Variants in SAXO1 observed in about 807,000 individuals in gnomAD.
SAXO1 encodes the protein 4930500O09Rik.
In SAXO1, 21 loss-of-function variants were observed where a neutral mutation model predicts 17.5. The observed-to-expected ratio is 1.20, with a 90% confidence interval of 0.85 to 1.72. The LOEUF is 1.72. Ranked by LOEUF, SAXO1 falls within the 40% of genes most tolerant of loss-of-function variation. The pLI is 0.00. For missense variants in SAXO1, 843 were observed against 596.0 expected (o/e 1.41, Z -4.32); for synonymous variants, 274 against 216.5 (o/e 1.27, Z -2.33).
At chr9:18,929,382 C>T (rs1293910492) in intron 3 of SAXO1, among the ~76,000 whole-genome samples, 3 of 152,230 alleles carry the variant, frequency 2.0e-5, no homozygotes, top group Admixed American at 6.5e-5. Flanking sequence ...TCTGACAACA[C>T]TTCCTTTCTT....
chr9:19,026,265 T>A (rs1835467620), intron 1 of SAXO1, among the ~76,000 whole-genome samples: 1 of 152,212 alleles, frequency 6.6e-6, no homozygotes. Flanking sequence ...TGGTCCAGTG[T>A]GACTCGAAAA....
At chr9:19,018,884 T>C (rs1345253231) in intron 1 of SAXO1, among the ~76,000 whole-genome samples, 2 of 152,026 alleles carry the variant, frequency 1.3e-5, no homozygotes, top group African/African-American at 4.8e-5. Flanking sequence ...CTGAGGCTGG[T>C]GGATCACCTG....
At chr9:19,027,207 G>T in intron 1 of SAXO1, 3 of 1,187,740 alleles carry the variant, frequency 2.5e-6, no homozygotes, top group Admixed American at 1.7e-5. Context: ...GGACAAGTGT[G>T]CTGTGATCAA....
At chr9:18,971,145 G>C (rs1021156341) in intron 1 of SAXO1, among the ~76,000 whole-genome samples, 1 of 152,186 alleles carries the variant, frequency 6.6e-6, no homozygotes, top group Non-Finnish European at 1.5e-5. Context: ...TTTGCCCCGA[G>C]TGGGGCCTTT....
chr9:19,002,640 A>C (rs1834323928), intron 1 of SAXO1, among the ~76,000 whole-genome samples: 1 of 152,230 alleles, frequency 6.6e-6, no homozygotes, highest in Admixed American at 6.5e-5. Context: ...CAAAGACAAA[A>C]ACCACATGAT....
chr9:18,984,011 A>G (rs903638342), intron 1 of SAXO1, among the ~76,000 whole-genome samples: 2 of 152,246 alleles, frequency 1.3e-5, no homozygotes, highest in East Asian at 1.9e-4. Context: ...AATGGATGTT[A>G]TGTTAGCAGG....
chr9:18,984,882 T>A (rs571531133), intron 1 of SAXO1, among the ~76,000 whole-genome samples: 28 of 152,304 alleles, frequency 1.8e-4, no homozygotes, highest in African/African-American at 6.7e-4. Context: ...CTGTCTTGCC[T>A]TTCAATATGC....
rs1359395105 is a variant in SAXO1 at position 18,950,117 on chromosome 9, C to G, written c.218+641G>C. On this transcript the variant is annotated intron_variant, in intron 2 of 3. Coordinates refer to ENST00000380534, the MANE Select transcript of SAXO1 (RefSeq NM_153707.4). ...CCTGAACTGATAACTTTTCTGCACC[C>G]CCTCAGTAGAAACACCTCTGCAACG... Among the ~76,000 whole-genome samples, 5 of 152,132 alleles carry G rather than the reference C, an allele frequency of 3.3e-5. No individual in the cohort carries two copies. In the South Asian group the frequency reaches 8.3e-4, roughly 25 times the overall value.
chr9:18,951,826 T>C (rs1258384586), intron 1 of SAXO1, among the ~76,000 whole-genome samples: 1 of 152,242 alleles, frequency 6.6e-6, no homozygotes, highest in Non-Finnish European at 1.5e-5. Flanking sequence ...TGTCCACTGT[T>C]CATCGTACAT....
chr9:18,967,803 A>C (rs1832784568), intron 1 of SAXO1, among the ~76,000 whole-genome samples: 1 of 149,292 alleles, frequency 6.7e-6, no homozygotes. Flanking sequence ...GAAAAAAAAA[A>C]CTCCTGCAGC....
chr9:19,038,841 A>T lies in SAXO1; in HGVS notation c.-158+10368T>A, dbSNP rs113800088. Among the ~76,000 whole-genome samples the T allele has an allele frequency of 2.8e-3, 409 of 148,092 alleles. 2 individuals carry two copies. The highest frequency in any genetic ancestry group is 6.1e-3 in the South Asian group (29 of 4,734). On this transcript the variant is annotated intron_variant, in intron 1 of 3. Coordinates refer to the SAXO1 transcript ENST00000542071. The stretch of plus-strand genomic sequence containing the variant: ...GTGAGGCAAAGCCTTTAAAAAAATT[A>T]AAAAAAAAATGGTAACTTGAATATC...
intron 1 of SAXO1, among the ~76,000 whole-genome samples, chr9:18,991,008 A>T (rs1833790277): frequency 6.6e-6 from 1 of 152,232 alleles, no homozygotes; most frequent in Admixed American, 6.5e-5. Flanking sequence ...CTGTAATCTC[A>T]GCACTTTGGG....
chr9:19,033,164 G>GC lies in SAXO1; in HGVS notation c.-257dup, dbSNP rs1835843497. The GC allele has an allele frequency of 2.3e-6, 1 of 430,132 alleles. No homozygotes were observed. 26.6% of individuals were successfully genotyped at this position (430,132 alleles called of 1,614,324 possible). A position where few individuals can be genotyped will look rare whatever the true frequency, so the allele number is the denominator to read the frequency against. Reference sequence around the variant, plus strand: ...GGGAGACCTCACCCTGCACGCCACCGCCCCGGCCTCCGCAGTCCAGACTTA... The same window carrying GC: ...GGGAGACCTCACCCTGCACGCCACCGCCCCCGGCCTCCGCAGTCCAGACTTA... On this transcript the variant is annotated 5_prime_UTR_variant, in exon 1 of 4. Coordinates refer to ENST00000380534, the MANE Select transcript of SAXO1 (RefSeq NM_153707.4).
At chr9:18,974,898 G>T (rs543954598) in intron 1 of SAXO1, among the ~76,000 whole-genome samples, 5 of 152,176 alleles carry the variant, frequency 3.3e-5, no homozygotes, top group Admixed American at 6.5e-5. Context: ...TAACAAACAG[G>T]ATATTGGTAT....
rs532066130 is a variant in SAXO1, at chr9:19,027,763, G to A, written c.38+5108C>T. The A allele has an allele frequency of 2.9e-5, 44 of 1,503,898 alleles. 2 individuals are homozygous for A. In the Middle Eastern group the frequency reaches 1.4e-3, roughly 47 times the overall value. The allele number at this position is 1,503,898 out of a possible 1,614,324, so 93.2% of individuals were successfully genotyped here. A position where few individuals can be genotyped will look rare whatever the true frequency, so the allele number is the denominator to read the frequency against. ...GGGACCGAGAGGTGCAGAGGACGAT[G>A]CTGGAGCTTCTGAACCAGCTGGATG... On this transcript the variant is annotated intron_variant, in intron 1 of 3. Transcript: ENST00000380534.
intron 1 of SAXO1, among the ~76,000 whole-genome samples, chr9:19,006,806 G>A (rs760212991): frequency 6.6e-6 from 1 of 152,204 alleles, no homozygotes; most frequent in Admixed American, 6.5e-5. Flanking sequence ...AGCCCTCTGG[G>A]AGGCTGAGGC....
At chr9:19,000,252 C>G (rs1834203529) in intron 1 of SAXO1, among the ~76,000 whole-genome samples, 1 of 151,092 alleles carries the variant, frequency 6.6e-6, no homozygotes, top group Non-Finnish European at 1.5e-5. Flanking sequence ...GCCCGGCCAC[C>G]CAACTGACTG....
chr9:18,944,021 C>G (rs1430749906), intron 2 of SAXO1, among the ~76,000 whole-genome samples: 1 of 152,254 alleles, frequency 6.6e-6, no homozygotes, highest in East Asian at 1.9e-4. Flanking sequence ...CCCACGGCTT[C>G]TACCGGAAAA....
chr9:18,974,244 G>C (rs1292867118), intron 1 of SAXO1, among the ~76,000 whole-genome samples: 1 of 152,242 alleles, frequency 6.6e-6, no homozygotes, highest in South Asian at 2.1e-4. Flanking sequence ...AAGAAAGCTA[G>C]AAAGACCTCT....
Sources: gnomAD v4.1 joint callset for allele counts (sites outside exome capture counted in the v4.1 genomes callset) on GRCh38, gnomAD v4.1.1 for gene constraint, MANE v1.5 for transcripts, NCBI Gene and HGNC (gene_info 2026-07-23, HGNC 2026-07-21) for gene names.